PHACTR1: variants seen among roughly 807,000 people sequenced by gnomAD.
The protein encoded by PHACTR1 is phosphatase and actin regulator 1, also known as RPEL repeat containing 1.
PHACTR1 carries 16 observed loss-of-function variants against 69.2 expected under a neutral mutation model. That is an observed-to-expected ratio of 0.23 (90% confidence interval 0.16 to 0.35). PHACTR1 has a LOEUF of 0.35. Among genes scored for constraint, PHACTR1 ranks in the 10% least tolerant of loss-of-function variants. The probability of loss-of-function intolerance (pLI) is 1.00; values close to 1 mark genes in which losing one functional copy is unlikely to be tolerated. For synonymous variants in PHACTR1, 312 were observed against 284.5 expected (o/e 1.10, Z -0.97); for missense variants, 510 against 734.7 (o/e 0.69, Z 3.54).
intron 4 of PHACTR1, among the ~76,000 whole-genome samples, chr6:13,016,396 C>T (rs902829102): frequency 1.3e-5 from 2 of 152,234 alleles, no homozygotes; most frequent in Non-Finnish European, 2.9e-5. Context: ...TCTGATACAA[C>T]TTGAAAGCCC....
Position 13,154,707 on chromosome 6 carries a change from C to T in PHACTR1, c.416-5497C>T, listed in dbSNP as rs909316487. 4.6e-5 allele frequency among the ~76,000 whole-genome samples: 7 copies of T among 151,992 alleles called. No homozygotes were observed. In the East Asian group the frequency reaches 1.4e-3, roughly 29 times the overall value. On this transcript the variant is annotated intron_variant, in intron 5 of 14. Transcript: ENST00000332995. ...AGGCAGTCAGCTCACCCTCACACCT[C>T]GGTTCTCATTTAGCTGATTTATCTT... is the stretch of plus-strand genomic sequence containing the variant.
At chr6:13,247,582 G>A (rs1264276722) in intron 10 of PHACTR1, among the ~76,000 whole-genome samples, 1 of 152,078 alleles carries the variant, frequency 6.6e-6, no homozygotes, top group Admixed American at 6.6e-5. Context: ...CTGACCTCAG[G>A]TGATCCGCCC....
chr6:12,798,687 G>A (rs182546293), intron 4 of PHACTR1, among the ~76,000 whole-genome samples: 53 of 152,284 alleles, frequency 3.5e-4, no homozygotes, highest in African/African-American at 9.6e-4. Flanking sequence ...TTGGATGGTC[G>A]CTGAAGAGGT....
intron 4 of PHACTR1, among the ~76,000 whole-genome samples, chr6:12,802,668 C>G (rs1229813807): frequency 2.0e-5 from 3 of 152,098 alleles, no homozygotes; most frequent in South Asian, 2.1e-4. Context: ...CCATCAAGTA[C>G]AAGATACATT....
intron 3 of PHACTR1, among the ~76,000 whole-genome samples, chr6:12,742,231 T>C (rs569795810): frequency 2.6e-5 from 4 of 152,098 alleles, no homozygotes; most frequent in Admixed American, 1.3e-4. Context: ...AAACAAAGGG[T>C]GGATTATTCA....
intron 5 of PHACTR1, among the ~76,000 whole-genome samples, chr6:13,120,473 G>A (rs1818537872): frequency 1.3e-5 from 2 of 152,244 alleles, no homozygotes; most frequent in Non-Finnish European, 2.9e-5. Flanking sequence ...GACTGTCGAA[G>A]CACGCTGCTG....
At chr6:13,176,219 G>A (rs908885829) in intron 6 of PHACTR1, among the ~76,000 whole-genome samples, 1 of 152,294 alleles carries the variant, frequency 6.6e-6, no homozygotes, top group African/African-American at 2.4e-5. Context: ...GGGAAAAAAA[G>A]TGAATGATCA....
At chr6:13,093,911 A>C (rs1813698532) in intron 5 of PHACTR1, among the ~76,000 whole-genome samples, 1 of 152,150 alleles carries the variant, frequency 6.6e-6, no homozygotes, top group East Asian at 1.9e-4. Context: ...TTGCTCTGTC[A>C]CCCGGGCTGG....
chr6:13,251,017 ACAAT>A (rs1034806690), intron 10 of PHACTR1, among the ~76,000 whole-genome samples: 48 of 151,270 alleles, frequency 3.2e-4, no homozygotes, highest in South Asian at 8.4e-4. Flanking sequence ...ACACACACAC[ACAAT>A]CAATCTTCTG....
intron 4 of PHACTR1, among the ~76,000 whole-genome samples, chr6:12,984,543 C>A (rs1018677421): frequency 6.6e-6 from 1 of 152,208 alleles, no homozygotes; most frequent in African/African-American, 2.4e-5. Context: ...ACAATTCTAA[C>A]CTTAGGAACT....
chr6:12,724,054 G>A (rs187922837), intron 3 of PHACTR1, among the ~76,000 whole-genome samples: 30 of 152,292 alleles, frequency 2.0e-4, no homozygotes, highest in Non-Finnish European at 3.2e-4. Context: ...ATGGGCTGGC[G>A]CAGTGGCTCA....
At chr6:13,098,529 G>A (rs1284197223) in intron 5 of PHACTR1, among the ~76,000 whole-genome samples, 2 of 152,096 alleles carry the variant, frequency 1.3e-5, no homozygotes, top group African/African-American at 4.8e-5. Context: ...TTCCTTCTAA[G>A]CACCAGACCC....
At chr6:13,191,392 A>G (rs959243970) in intron 7 of PHACTR1, among the ~76,000 whole-genome samples, 5 of 152,190 alleles carry the variant, frequency 3.3e-5, no homozygotes, top group African/African-American at 1.2e-4. Context: ...CTCACCACAC[A>G]GGGCACATGG....
intron 4 of PHACTR1, among the ~76,000 whole-genome samples, chr6:12,918,655 T>C (rs548998223): frequency 6.6e-6 from 1 of 152,364 alleles, no homozygotes; most frequent in Admixed American, 6.5e-5. Context: ...TTATATGTCA[T>C]AGGTGATTAA....
chr6:13,197,144 T>A (rs1764550958), intron 7 of PHACTR1, among the ~76,000 whole-genome samples: 1 of 152,240 alleles, frequency 6.6e-6, no homozygotes, highest in Non-Finnish European at 1.5e-5. Context: ...TGTATTATGA[T>A]GTTTGTCTCA....
chr6:13,277,012 G>A (rs1378073308), intron 11 of PHACTR1, among the ~76,000 whole-genome samples: 4 of 152,082 alleles, frequency 2.6e-5, no homozygotes, highest in East Asian at 3.9e-4. Context: ...GAAATTTAAC[G>A]GCTGAGAATC....
chr6:12,891,870 C>T (rs142181300), intron 4 of PHACTR1, among the ~76,000 whole-genome samples: 65 of 152,302 alleles, frequency 4.3e-4, no homozygotes, highest in Middle Eastern at 3.4e-3. Context: ...GTCTTTTAAA[C>T]GCCCAAGCTC....
In PHACTR1 at chr6:12,797,038, T is replaced by TGA. The variant is rs1433072115; in HGVS notation, c.250+47249_250+47250insAG. On this transcript the variant is annotated intron_variant, in intron 4 of 14. Transcript: ENST00000332995. ...GTGTGTGTGTGTGTGTGTGTGTGTGTGTGAGAGAGAGAGAGAGAGGGATAT... is the reference window on the plus strand; with the variant it reads ...GTGTGTGTGTGTGTGTGTGTGTGTGTGAGTGAGAGAGAGAGAGAGAGGGATAT... 5.0e-3 allele frequency among the ~76,000 whole-genome samples: 603 copies of TGA among 121,712 alleles called. 2 individuals are homozygous for TGA. The highest frequency in any genetic ancestry group is 0.014 in the African/African-American group (463 of 33,256). The allele number at this position is 121,712 out of a possible 152,430, so 79.8% of individuals were successfully genotyped here.
intron 10 of PHACTR1, among the ~76,000 whole-genome samples, chr6:13,265,722 T>C (rs572965368): frequency 5.3e-5 from 8 of 152,288 alleles, no homozygotes; most frequent in African/African-American, 1.9e-4. Flanking sequence ...AGTTACTATA[T>C]TTTCTTTCCC....
Sources: gnomAD v4.1 joint callset for allele counts (sites outside exome capture counted in the v4.1 genomes callset) on GRCh38, gnomAD v4.1.1 for gene constraint, MANE v1.5 for transcripts, NCBI Gene and HGNC (gene_info 2026-07-23, HGNC 2026-07-21) for gene names.